Variants in WDR11 observed in about 807,000 individuals in gnomAD.
WDR11 encodes the protein WD repeat domain 11.
In WDR11, 83 loss-of-function variants were observed where a neutral mutation model predicts 151.2. The ratio of observed to expected loss-of-function variants is 0.55; its 90% CI spans 0.46 to 0.66. The LOEUF is 0.66. Among genes scored for constraint, WDR11 ranks in the 30% least tolerant of loss-of-function variants. The pLI is 0.00. For missense variants in WDR11, 1,301 were observed against 1,480.9 expected, an observed-to-expected ratio of 0.88 and a Z score of 1.99; for synonymous variants, 484 against 533.1, an observed-to-expected ratio of 0.91 and a Z score of 1.27.
intron 7 of WDR11, 118 bp downstream of exon 7, chr10:120,865,862 T>A: frequency 1.4e-6 from 1 of 698,366 alleles, no homozygotes; most frequent in Non-Finnish European, 2.5e-6. Flanking sequence ...TGAGGAAGTT[T>A]AAAATATGGT....
intron 28 of WDR11, 130 bp from the exon 29 acceptor site, chr10:120,908,426 C>T (rs1440986148): frequency 6.4e-6 from 6 of 936,610 alleles, no homozygotes; most frequent in Non-Finnish European, 1.0e-5. Context: ...CCTGTGCTGC[C>T]CGCTGTGGAC....
chr10:120,851,832 A>G, intron 1 of WDR11: 1 of 458,690 alleles, frequency 2.2e-6, no homozygotes, highest in Non-Finnish European at 4.0e-6. Flanking sequence ...CTCCACCATT[A>G]ATTCCCTGTG....
intron 11 of WDR11, among the ~76,000 whole-genome samples, chr10:120,874,190 T>TGG (rs1554854854): frequency 9.5e-6 from 1 of 105,104 alleles, no homozygotes; most frequent in Non-Finnish European, 1.9e-5. Flanking sequence ...TTTTTTTTTT[T>TGG]TTGTTGTTGT....
intron 2 of WDR11, among the ~76,000 whole-genome samples, chr10:120,855,781 G>C (rs1845924911): frequency 6.6e-6 from 1 of 151,956 alleles, no homozygotes; most frequent in African/African-American, 2.4e-5. Flanking sequence ...TTTTTTTTAA[G>C]TAGACAGTCA....
chr10:120,866,942 G>C, intron 8 of WDR11, 124 bp from the exon 9 acceptor site: 1 of 1,051,540 alleles, frequency 9.5e-7, no homozygotes, highest in South Asian at 1.4e-5. Flanking sequence ...TTCACCTATG[G>C]GTAAGATGAA....
At chr10:120,886,233 G>C (rs1847211982) in intron 15 of WDR11, among the ~76,000 whole-genome samples, 1 of 152,050 alleles carries the variant, frequency 6.6e-6, no homozygotes, top group African/African-American at 2.4e-5. Flanking sequence ...TTCAGCTTCT[G>C]AAATTCAAAT....
chr10:120,859,478 AG>A (rs1846062961), intron 3 of WDR11, among the ~76,000 whole-genome samples: 1 of 151,974 alleles, frequency 6.6e-6, no homozygotes, highest in African/African-American at 2.4e-5. Flanking sequence ...CATGTTAGCC[AG>A]GATGGTCTCG....
intron 2 of WDR11, among the ~76,000 whole-genome samples, chr10:120,852,861 C>T (rs1434870374): frequency 2.0e-5 from 3 of 152,174 alleles, no homozygotes; most frequent in Admixed American, 6.5e-5. Context: ...AAAGTTCTAC[C>T]ATTTACAAGA....
intron 19 of WDR11, among the ~76,000 whole-genome samples, chr10:120,898,813 A>G (rs2133806173): frequency 6.8e-6 from 1 of 148,078 alleles, no homozygotes; most frequent in South Asian, 2.1e-4. Flanking sequence ...TGAGTCAATT[A>G]AACCTCTTCT....
In WDR11 at chr10:120,909,126, T is replaced by C. The variant is rs1312016642; in HGVS notation, c.*413T>C. 2 of 206,094 alleles carry C rather than the reference T, an allele frequency of 9.7e-6. No homozygotes were observed. Among genetic ancestry groups the C allele is most frequent in the African/African-American group, 4.7e-5 (2 of 42,936 alleles). 12.8% of individuals were successfully genotyped at this position (206,094 alleles called of 1,614,324 possible). ...TCTCAAATATATGCTGTGCCTGTACTTATATACAGTCTTTCAAGAGAGATA... is the reference window on the plus strand; with the variant it reads ...TCTCAAATATATGCTGTGCCTGTACCTATATACAGTCTTTCAAGAGAGATA... On this transcript the variant is annotated 3_prime_UTR_variant, in exon 29 of 29. Coordinates refer to ENST00000263461, the MANE Select transcript of WDR11 (RefSeq NM_018117.12).
chr10:120,895,729 G>A (rs1013500631), intron 19 of WDR11, among the ~76,000 whole-genome samples: 1 of 151,766 alleles, frequency 6.6e-6, no homozygotes, highest in Non-Finnish European at 1.5e-5. Context: ...CTACTGGTAA[G>A]GATAAAAGAA....
chr10:120,886,546 G>A (rs1337697239), intron 15 of WDR11, 143 bp from the exon 16 acceptor site: 2 of 986,856 alleles, frequency 2.0e-6, no homozygotes, highest in East Asian at 2.6e-5. Flanking sequence ...ATAATTAGCT[G>A]GGCAAATATT....
chr10:120,865,843 T>A, intron 7 of WDR11, 99 bp downstream of exon 7: 1 of 789,720 alleles, frequency 1.3e-6, no homozygotes, highest in Non-Finnish European at 2.1e-6. Flanking sequence ...TTAATGATAC[T>A]CCTTGCTTTG....
At chr10:120,876,854 CTG>C (rs995348674) in intron 11 of WDR11, among the ~76,000 whole-genome samples, 7 of 152,224 alleles carry the variant, frequency 4.6e-5, no homozygotes, top group Admixed American at 3.9e-4. Flanking sequence ...ACAGAGTAAT[CTG>C]TGAAGGAGCT....
intron 19 of WDR11, among the ~76,000 whole-genome samples, chr10:120,893,239 C>T (rs59628084): frequency 0.23 from 34,517 of 149,074 alleles, 4,204 homozygotes; most frequent in African/African-American, 0.3. Context: ...TGTTCAATTC[C>T]CATCTGTGAG....
At chr10:120,904,271 G>A (rs1303792056) in intron 24 of WDR11, 129 bp downstream of exon 24, 6 of 748,174 alleles carry the variant, frequency 8.0e-6, no homozygotes, top group Non-Finnish European at 6.7e-6. Context: ...CCTGTAGACA[G>A]TTTAGGCTTT....
At position 120,878,390 on chromosome 10, in the gene WDR11, T is replaced by C; in HGVS notation, c.1594T>C (p.Phe532Leu). Residue 532 changes from phenylalanine (F) to leucine (L), a missense_variant, in exon 12 of 29, where the codon TTT becomes CTT. Phe to Leu is a conservative substitution (Grantham distance 22, BLOSUM62 0). Around this residue, in one of 3 missense-constraint regions of WDR11, gnomAD observed 692 missense variants for 762.5 expected, o/e 0.91. Coordinates refer to ENST00000263461, the MANE Select transcript of WDR11 (RefSeq NM_018117.12). Reference sequence around the variant, plus strand: ...GACAAGTTTGACTAGTTTTCTTTCTTTTGCTACCTCAACACCAAACAATAT... The same window carrying C: ...GACAAGTTTGACTAGTTTTCTTTCTCTTGCTACCTCAACACCAAACAATAT... ...EWTSLTSFLS[F>L]ATSTPNNMGL... is the part of the protein sequence containing the mutation. 6.2e-7 allele frequency: 1 copy of C among 1,613,292 alleles called. No homozygotes were observed. Among genetic ancestry groups the C allele is most frequent in the Non-Finnish European group, 8.5e-7 (1 of 1,179,548 alleles).
chr10:120,884,589 A>C (rs1008988451), intron 14 of WDR11, among the ~76,000 whole-genome samples: 2 of 151,888 alleles, frequency 1.3e-5, no homozygotes, highest in African/African-American at 4.8e-5. Flanking sequence ...GAGACATCAG[A>C]AGCTCAAACC....
chr10:120,883,991 T>C (rs2133781186), intron 14 of WDR11, 103 bp downstream of exon 14: 1 of 994,866 alleles, frequency 1.0e-6, no homozygotes, highest in Non-Finnish European at 1.5e-6. Context: ...AATGTCATTT[T>C]TTTGGTTAAA....
Sources: gnomAD v4.1 joint callset for allele counts (sites outside exome capture counted in the v4.1 genomes callset) on GRCh38, gnomAD v4.1.1 for gene constraint, gnomAD v4.1.1 regional missense constraint, MANE v1.5 for transcripts, NCBI Gene and HGNC (gene_info 2026-07-23, HGNC 2026-07-21) for gene names.